Variants in KCNK10 observed in about 807,000 individuals in gnomAD.
KCNK10 encodes the protein potassium channel subfamily K member 10.
A neutral mutation model predicts 47.7 loss-of-function variants in KCNK10; 25 were observed. That is an observed-to-expected ratio of 0.52 (90% confidence interval 0.38 to 0.73). KCNK10 has a LOEUF of 0.73. Ranked by LOEUF, KCNK10 falls within the 30% of genes least tolerant of loss-of-function variation. The probability of loss-of-function intolerance (pLI) is 0.00; values close to 1 mark genes in which losing one functional copy is unlikely to be tolerated. For missense variants in KCNK10, 563 were observed against 714.5 expected, an observed-to-expected ratio of 0.79 and a Z score of 2.42; for synonymous variants, 303 against 285.6, an observed-to-expected ratio of 1.06 and a Z score of -0.61.
At chr14:88,222,369 T>C (rs953273690) in intron 4 of KCNK10, among the ~76,000 whole-genome samples, 2 of 152,082 alleles carry the variant, frequency 1.3e-5, no homozygotes, top group African/African-American at 2.4e-5. Context: ...AATAAAAACA[T>C]GAGTCATTGT....
At chr14:88,216,882 C>T (rs1456230333) in intron 4 of KCNK10, among the ~76,000 whole-genome samples, 3 of 152,186 alleles carry the variant, frequency 2.0e-5, no homozygotes, top group Admixed American at 6.5e-5. Flanking sequence ...CACGGCAGGG[C>T]GTGGTGGCTC....
chr14:88,204,287 T>C (rs1183435534), intron 4 of KCNK10, among the ~76,000 whole-genome samples: 3 of 152,166 alleles, frequency 2.0e-5, no homozygotes, highest in Non-Finnish European at 4.4e-5. Context: ...ACTTGGTCCT[T>C]CTTCCTTTTG....
At chr14:88,301,270 C>CCAT (rs758860713) in intron 1 of KCNK10, among the ~76,000 whole-genome samples, 2 of 151,978 alleles carry the variant, frequency 1.3e-5, no homozygotes, top group African/African-American at 4.8e-5. Flanking sequence ...GTCATTATCA[C>CCAT]CATCATCATC....
chr14:88,305,639 A>G (rs1888189025), intron 1 of KCNK10, among the ~76,000 whole-genome samples: 1 of 152,200 alleles, frequency 6.6e-6, no homozygotes, highest in African/African-American at 2.4e-5. Flanking sequence ...AGGCAAGAAA[A>G]GAGGGAAGCT....
chr14:88,287,218 C>T (rs419028), intron 1 of KCNK10, among the ~76,000 whole-genome samples: 24,040 of 152,176 alleles, frequency 0.16, 2,511 homozygotes, highest in African/African-American at 0.3. Context: ...CTGTGAAAAA[C>T]AATACATGTG....
chr14:88,264,191 T>G (rs1216802692), intron 1 of KCNK10, among the ~76,000 whole-genome samples: 1 of 152,208 alleles, frequency 6.6e-6, no homozygotes, highest in Admixed American at 6.5e-5. Flanking sequence ...AAAAACTGTT[T>G]CCTGGTTTTC....
chr14:88,317,058 T>G (rs1888442450), intron 1 of KCNK10, among the ~76,000 whole-genome samples: 1 of 152,120 alleles, frequency 6.6e-6, no homozygotes, highest in Non-Finnish European at 1.5e-5. Flanking sequence ...AAAAGGATGG[T>G]GAAGCTCCTT....
chr14:88,313,809 T>A (rs1888374210), intron 1 of KCNK10, among the ~76,000 whole-genome samples: 1 of 152,228 alleles, frequency 6.6e-6, no homozygotes, highest in Admixed American at 6.5e-5. Flanking sequence ...TGGGGTTATT[T>A]GTTACACAAT....
chr14:88,302,937 G>A (rs771638344), intron 1 of KCNK10, among the ~76,000 whole-genome samples: 20 of 152,204 alleles, frequency 1.3e-4, no homozygotes, highest in Admixed American at 6.5e-4. Flanking sequence ...AAGAAGATGC[G>A]TCCCATTCAC....
At chr14:88,198,096 T>A (rs1253589342) in intron 4 of KCNK10, among the ~76,000 whole-genome samples, 2 of 152,096 alleles carry the variant, frequency 1.3e-5, no homozygotes, top group Non-Finnish European at 2.9e-5. Context: ...ATAATAACAT[T>A]CTTGTAGCTC....
At chr14:88,321,964 C>T (rs1418153240) in intron 1 of KCNK10, among the ~76,000 whole-genome samples, 1 of 152,224 alleles carries the variant, frequency 6.6e-6, no homozygotes, top group African/African-American at 2.4e-5. Context: ...ATGCTAATTA[C>T]AGACACGGTG....
chr14:88,265,026 C>T (rs936489434), intron 1 of KCNK10, among the ~76,000 whole-genome samples: 3 of 152,220 alleles, frequency 2.0e-5, no homozygotes, highest in African/African-American at 7.2e-5. Flanking sequence ...GCCACTGTCA[C>T]ATCTTGCCTG....
At chr14:88,189,605 G>T (rs569956887) in intron 5 of KCNK10, among the ~76,000 whole-genome samples, 2 of 152,166 alleles carry the variant, frequency 1.3e-5, no homozygotes, top group Non-Finnish European at 2.9e-5. Flanking sequence ...TGCTTATCTG[G>T]ATTCGGAGTT....
chr14:88,320,338 G>C (rs1047730741), intron 1 of KCNK10, among the ~76,000 whole-genome samples: 1 of 152,040 alleles, frequency 6.6e-6, no homozygotes, highest in Admixed American at 6.5e-5. Context: ...CACTGTGTCA[G>C]GCTGTAAAAT....
intron 2 of KCNK10, among the ~76,000 whole-genome samples, chr14:88,249,612 T>C (rs778448156): frequency 6.6e-6 from 1 of 152,212 alleles, no homozygotes; most frequent in Non-Finnish European, 1.5e-5. Context: ...CCATGGATTC[T>C]AGAGCCGGAC....
rs748011101 is a variant in KCNK10 at position 88,186,049 on chromosome 14, C to T, written c.1118G>A (p.Arg373Gln). The T allele has an allele frequency of 4.3e-6, 7 of 1,613,006 alleles. No homozygotes were observed. Among genetic ancestry groups the T allele is most frequent in the African/African-American group, 4.0e-5 (3 of 74,888 alleles). ...LSVEIHDKLQ[R>Q]AATIRSMERR... is the part of the protein sequence containing the mutation. ...CTCCATGCTGCGGATGGTGGCCGCC[C>T]GCTGCAGCTTATCGTGGATCTCCAC... Residue 373 changes from arginine (R) to glutamine (Q), a missense_variant, in exon 7 of 7, where the codon CGG (arginine) becomes CAG (glutamine). Physicochemically the swap from Arg to Gln is conservative, Grantham distance 43. Coordinates refer to ENST00000319231, the MANE Select transcript of KCNK10 (RefSeq NM_138317.3). The surrounding 1 kb of genome is among the most constrained non-coding windows in gnomAD (Gnocchi z 5.5).
At chr14:88,279,364 C>T (rs1223973557) in intron 1 of KCNK10, among the ~76,000 whole-genome samples, 5 of 137,674 alleles carry the variant, frequency 3.6e-5, no homozygotes, top group South Asian at 2.5e-4. Flanking sequence ...TTGCCAGATA[C>T]GTGTGTGTGT....
At chr14:88,299,426 T>C (rs939166811) in intron 1 of KCNK10, among the ~76,000 whole-genome samples, 5 of 152,236 alleles carry the variant, frequency 3.3e-5, no homozygotes, top group Admixed American at 2.0e-4. Context: ...GAGTAAGGAC[T>C]GCATCATATG....
chr14:88,324,290 C>T (rs948556149), upstream of KCNK10, among the ~76,000 whole-genome samples: 12 of 152,210 alleles, frequency 7.9e-5, no homozygotes, highest in African/African-American at 2.7e-4. Context: ...CCTCAGTCTT[C>T]AGAAAAGCCA....
Sources: gnomAD v4.1 joint callset for allele counts (sites outside exome capture counted in the v4.1 genomes callset) on GRCh38, gnomAD v4.1.1 for gene constraint, Gnocchi (gnomAD v3.1) non-coding constraint, MANE v1.5 for transcripts, NCBI Gene and HGNC (gene_info 2026-07-23, HGNC 2026-07-21) for gene names.